Variants in GLMN observed in about 807,000 individuals in gnomAD.
The protein encoded by GLMN is glomulin, FKBP associated protein.
Under a neutral mutation model 87.8 loss-of-function variants are expected in GLMN, and 75 were observed. The observed-to-expected ratio is 0.85, with a 90% CI of 0.71 to 1.04. The LOEUF (loss-of-function observed/expected upper bound fraction) is 1.04, where lower values mean the gene tolerates loss of function less well. Ranked by LOEUF, GLMN falls within the 50% of genes least tolerant of loss-of-function variation. The pLI, the probability that GLMN is intolerant of heterozygous loss-of-function variation, is 0.00. For synonymous variants in GLMN, 206 were observed against 221.6 expected (o/e 0.93, Z 0.63); for missense variants, 588 against 658.8 (o/e 0.89, Z 1.18).
chr1:92,361,888 G>A, the GLMN span, among the ~76,000 whole-genome samples: 1 of 152,124 alleles, frequency 6.6e-6, no homozygotes, highest in African/African-American at 2.4e-5. Flanking sequence ...TGGTTATAGA[G>A]CAGTTAATCA....
At chr1:92,252,795 AAT>A (rs1340720293) in intron 16 of GLMN, among the ~76,000 whole-genome samples, 4 of 152,346 alleles carry the variant, frequency 2.6e-5, no homozygotes, top group South Asian at 2.1e-4. Flanking sequence ...AGAGTTTTAA[AAT>A]AGTTATAATT....
Position 92,267,958 on chromosome 1 carries a change from T to C in GLMN, c.1053A>G (p.Leu351=). 6.4e-7 allele frequency: 1 copy of C among 1,558,860 alleles called. No homozygotes were observed. The highest frequency in any genetic ancestry group is 8.9e-7 in the Non-Finnish European group (1 of 1,129,816). ...NSLLRIEDNS[L]LYQYLEIKSF... ...TCTTGATTTCTAAGTACTGGTAAAG[T>C]AGACTATTGTCTTCTATTCTCAATA... Residue 351 remains leucine (L), a synonymous_variant, in exon 11 of 19, where the codon CTA becomes CTG. Transcript: ENST00000370360.
upstream of GLMN, chr1:92,301,419 CAT>C (rs1650848943): frequency 1.1e-6 from 1 of 872,608 alleles, no homozygotes; most frequent in African/African-American, 1.7e-5. Flanking sequence ...TATTTTAAAA[CAT>C]GGAATGTTGG....
chr1:92,323,532 T>C, the GLMN span: 8 of 1,613,796 alleles, frequency 5.0e-6, 1 homozygote, highest in South Asian at 7.7e-5. Context: ...AAAAGCAATA[T>C]GAATCTAGTT....
At chr1:92,285,285 T>G (rs1648593425) in intron 7 of GLMN, among the ~76,000 whole-genome samples, 1 of 152,044 alleles carries the variant, frequency 6.6e-6, no homozygotes, top group Non-Finnish European at 1.5e-5. Flanking sequence ...TATGCAGCCA[T>G]TAAAAAGGAT....
At chr1:92,313,996 C>T in the GLMN span, among the ~76,000 whole-genome samples, 2 of 152,202 alleles carry the variant, frequency 1.3e-5, no homozygotes, top group Non-Finnish European at 2.9e-5. Flanking sequence ...AGAGTTAGAA[C>T]CTTGCTCTGG....
At chr1:92,309,080 T>C in the GLMN span, among the ~76,000 whole-genome samples, 1 of 152,178 alleles carries the variant, frequency 6.6e-6, no homozygotes, top group Non-Finnish European at 1.5e-5. Context: ...CCTTTTACTT[T>C]ATATTTGCAG....
At chr1:92,295,779 C>A (rs1435334300) in intron 3 of GLMN, among the ~76,000 whole-genome samples, 1 of 152,146 alleles carries the variant, frequency 6.6e-6, no homozygotes, top group African/African-American at 2.4e-5. Flanking sequence ...ACAAAATGAA[C>A]ACCTACCTTC....
In GLMN at chr1:92,263,673, T is replaced by G. The variant is rs775571113; in HGVS notation, c.1359A>C (p.Val453=). ...TTTCTGCACCCTCTGGGAGAAAAAG[T>G]ACCAAATCAAGAAGGGAAATCAACT... is the stretch of plus-strand genomic sequence containing the variant. ...GPQLISLLDL[V]LFLPEGAETD... is the part of the protein sequence containing the mutation. The change falls in exon 15 of 19, where the codon GTA becomes GTC. Residue 453 remains valine, a synonymous_variant. Coordinates refer to ENST00000370360, the MANE Select transcript of GLMN (RefSeq NM_053274.3). The G allele has an allele frequency of 1.0e-5, 16 of 1,604,266 alleles. No individual in the cohort carries two copies. Among genetic ancestry groups the G allele is most frequent in the Middle Eastern group, 1.6e-4 (1 of 6,064 alleles).
upstream of GLMN, chr1:92,299,104 G>A (rs764666965): frequency 9.9e-6 from 15 of 1,520,868 alleles, no homozygotes; most frequent in Admixed American, 1.9e-4. Flanking sequence ...GTCTTCTGCC[G>A]GCCGCAAGGC....
intron 14 of GLMN, 36 bp from the exon 15 acceptor site, chr1:92,263,768 A>G: frequency 1.1e-6 from 1 of 912,106 alleles, no homozygotes; most frequent in South Asian, 1.3e-5. Flanking sequence ...AAGCTTTATA[A>G]TTCATGTAAT....
In GLMN at chr1:92,251,794, CTTTTT is replaced by C. The variant is rs35251154; in HGVS notation, c.1474-3810_1474-3806del. 3.0e-3 allele frequency among the ~76,000 whole-genome samples: 434 copies of C among 143,060 alleles called. 1 individual carries two copies. The highest frequency in any genetic ancestry group is 9.7e-3 in the African/African-American group (377 of 38,866). The allele number at this position is 143,060 out of a possible 152,430, so 93.9% of individuals were successfully genotyped here. ...ATTCTTTTAAATCTGATTCCCAAAA[CTTTTT>C]TTTTTTTTTTTAAGATGGTGTCTTC... On this transcript the variant is annotated intron_variant, in intron 16 of 18. Coordinates refer to ENST00000370360, the MANE Select transcript of GLMN (RefSeq NM_053274.3).
At chr1:92,352,094 T>A in the GLMN span, among the ~76,000 whole-genome samples, 6 of 152,322 alleles carry the variant, frequency 3.9e-5, no homozygotes, top group Admixed American at 2.6e-4. Context: ...GCCCTTGATG[T>A]TCTCTAATGG....
the GLMN span, among the ~76,000 whole-genome samples, chr1:92,330,084 T>C: frequency 2.0e-5 from 3 of 152,228 alleles, no homozygotes; most frequent in South Asian, 6.2e-4. Flanking sequence ...GTGGACCAAG[T>C]GGGAATGACT....
the GLMN span, chr1:92,345,920 T>G: frequency 6.3e-7 from 1 of 1,582,184 alleles, no homozygotes; most frequent in South Asian, 1.1e-5. Flanking sequence ...TCATTGTAAG[T>G]ACTCTCTCAG....
chr1:92,275,236 T>G (rs1647197915), intron 7 of GLMN, among the ~76,000 whole-genome samples: 1 of 152,128 alleles, frequency 6.6e-6, no homozygotes, highest in Non-Finnish European at 1.5e-5. Flanking sequence ...ACCTCCTCAT[T>G]ATTAAGAGAT....
chr1:92,264,657 A>C lies in GLMN; in HGVS notation c.1215-19T>G. 1 of 1,288,092 alleles carries C rather than the reference A, an allele frequency of 7.8e-7. No individual in the cohort carries two copies. Among genetic ancestry groups the C allele is most frequent in the Non-Finnish European group, 1.1e-6 (1 of 882,860 alleles). The allele number at this position is 1,288,092 out of a possible 1,614,324, so 79.8% of individuals were successfully genotyped here. On this transcript the variant is annotated intron_variant, in intron 13 of 18. Transcript: ENST00000370360. ...TAAGCACCTTGAAAGCAAAATTACA[A>C]TAGATGTGAAATTATCCTGGACAGC... is the stretch of plus-strand genomic sequence containing the variant.
chr1:92,254,580 C>T (rs1391372024), intron 16 of GLMN, among the ~76,000 whole-genome samples: 1 of 152,178 alleles, frequency 6.6e-6, no homozygotes, highest in Non-Finnish European at 1.5e-5. Context: ...TCTGCAGAAA[C>T]CCTAGAAGCC....
At chr1:92,358,788 T>C in the GLMN span, among the ~76,000 whole-genome samples, 1 of 152,142 alleles carries the variant, frequency 6.6e-6, no homozygotes, top group South Asian at 2.1e-4. Flanking sequence ...GGGTCTCACT[T>C]TGTTGCCCAG....
Sources: allele counts gnomAD v4.1 joint callset (sites outside exome capture counted in the v4.1 genomes callset), GRCh38; gene constraint gnomAD v4.1.1; transcripts MANE v1.5; gene names NCBI Gene and HGNC (gene_info 2026-07-23, HGNC 2026-07-21).